TMEM232: variants seen among roughly 807,000 people sequenced by gnomAD.
The protein encoded by TMEM232 is transmembrane protein 232.
A neutral mutation model predicts 78.8 loss-of-function variants in TMEM232; 80 were observed. That is an observed-to-expected ratio of 1.01 (90% CI 0.85 to 1.22). The LOEUF (loss-of-function observed/expected upper bound fraction) is 1.22. Among genes scored for constraint, TMEM232 ranks in the 50% most tolerant of loss-of-function variants. The pLI, the probability that TMEM232 is intolerant of heterozygous loss-of-function variation, is 0.00. For synonymous variants in TMEM232, 297 were observed against 254.3 expected, an observed-to-expected ratio of 1.17 and a Z score of -1.60; for missense variants, 881 against 742.2, an observed-to-expected ratio of 1.19 and a Z score of -2.17.
chr5:110,418,682 C>A (rs2112597147), downstream of TMEM232, among the ~76,000 whole-genome samples: 1 of 152,080 alleles, frequency 6.6e-6, no homozygotes, highest in South Asian at 2.1e-4. Context: ...TTAAGAAAAT[C>A]GTGGAAGTAA....
At chr5:110,409,277 T>C (rs1481944508) in intron 2 of TMEM232, among the ~76,000 whole-genome samples, 1 of 152,188 alleles carries the variant, frequency 6.6e-6, no homozygotes, top group East Asian at 1.9e-4. Context: ...TATAATCTTT[T>C]TGGAGACATT....
At chr5:110,553,644 T>C (rs1463033226) in intron 11 of TMEM232, among the ~76,000 whole-genome samples, 1 of 152,206 alleles carries the variant, frequency 6.6e-6, no homozygotes, top group Non-Finnish European at 1.5e-5. Flanking sequence ...TGGGGTTTTC[T>C]AGATATAGAG....
At chr5:110,550,027 T>A (rs574261851) in intron 11 of TMEM232, among the ~76,000 whole-genome samples, 2 of 152,308 alleles carry the variant, frequency 1.3e-5, no homozygotes, top group East Asian at 3.9e-4. Flanking sequence ...AGAAATATTA[T>A]GGAACAATCA....
chr5:110,514,456 A>G (rs1315776821), intron 12 of TMEM232, among the ~76,000 whole-genome samples: 1 of 152,136 alleles, frequency 6.6e-6, no homozygotes, highest in Admixed American at 6.5e-5. Context: ...TTATGGAACA[A>G]AAGGATAAGG....
In TMEM232 at chr5:110,441,717, A is replaced by G. The variant is rs1408367394; in HGVS notation, c.1704-16801T>C. On this transcript the variant is annotated intron_variant, in intron 12 of 13. Transcript: ENST00000455884. ...GCCTTACTGGAGAAGCCTACAAGCA[A>G]TGGAATGAGGATGGACTTTGGCTAA... 6.6e-5 allele frequency among the ~76,000 whole-genome samples: 10 copies of G among 152,282 alleles called. No individual in the cohort carries two copies. The South Asian group carries it at 1.4e-3, about 22-fold the overall frequency.
intron 2 of TMEM232, among the ~76,000 whole-genome samples, chr5:110,661,887 T>A (rs1789853947): frequency 6.6e-6 from 1 of 152,222 alleles, no homozygotes; most frequent in African/African-American, 2.4e-5. Context: ...TACATTTATC[T>A]GATGATTAGT....
chr5:110,616,552 A>G (rs1354406798), intron 8 of TMEM232, among the ~76,000 whole-genome samples: 2 of 152,058 alleles, frequency 1.3e-5, no homozygotes, highest in Non-Finnish European at 1.5e-5. Context: ...AAAACCATAC[A>G]TTTGGTAAAG....
At chr5:110,526,393 C>CA (rs985392861) in intron 12 of TMEM232, among the ~76,000 whole-genome samples, 6 of 150,278 alleles carry the variant, frequency 4.0e-5, no homozygotes, top group East Asian at 3.9e-4. Flanking sequence ...AAAAAATGGG[C>CA]AAAAAAAATA....
chr5:110,561,003 G>A (rs993220244), intron 11 of TMEM232, among the ~76,000 whole-genome samples: 1 of 152,002 alleles, frequency 6.6e-6, no homozygotes, highest in African/African-American at 2.4e-5. Context: ...AGAATAAAAC[G>A]TAAATGAAGA....
intron 11 of TMEM232, among the ~76,000 whole-genome samples, chr5:110,551,739 C>T (rs1240400479): frequency 6.6e-6 from 1 of 152,142 alleles, no homozygotes; most frequent in Non-Finnish European, 1.5e-5. Context: ...ATAGAGAAAT[C>T]CTAAAACCAG....
chr5:110,450,524 C>T (rs751158826), intron 12 of TMEM232, among the ~76,000 whole-genome samples: 8 of 151,972 alleles, frequency 5.3e-5, no homozygotes, highest in African/African-American at 1.2e-4. Flanking sequence ...AAAATAGAGC[C>T]CCTGGATTCA....
chr5:110,717,766 C>T (rs1465667192), intron 1 of TMEM232, among the ~76,000 whole-genome samples: 2 of 152,042 alleles, frequency 1.3e-5, no homozygotes, highest in Non-Finnish European at 2.9e-5. Flanking sequence ...ATAAGGGGCT[C>T]TCCCCCTTTC....
chr5:110,448,225 G>A (rs1759878132), intron 12 of TMEM232, among the ~76,000 whole-genome samples: 1 of 151,944 alleles, frequency 6.6e-6, no homozygotes, highest in South Asian at 2.1e-4. Context: ...TTGCTCCCAA[G>A]AAATTTTAGA....
At chr5:110,698,299 G>C (rs1561534677) in intron 1 of TMEM232, among the ~76,000 whole-genome samples, 1 of 152,028 alleles carries the variant, frequency 6.6e-6, no homozygotes, top group East Asian at 1.9e-4. Context: ...GGTGGGTGGA[G>C]GGGGAGGGAT....
rs1759104929 is a variant in TMEM232 at position 110,442,006 on chromosome 5, C to CG, written c.1704-17091_1704-17090insC. On this transcript the variant is annotated intron_variant, in intron 12 of 13. Transcript: ENST00000455884. ...TCTGTTGCCAGAGGTATTGGAGCTC[C>CG]ATGTATGTGGCTTCTTCTCTCCTGC... Among the ~76,000 whole-genome samples, 7 of 1,546 alleles carry CG rather than the reference C, an allele frequency of 4.5e-3. No homozygotes were observed. In the Admixed American group the frequency reaches 0.065, roughly 14 times the overall value. The allele number at this position is 1,546 out of a possible 152,430, so 1.0% of individuals were successfully genotyped here.
At chr5:110,519,565 G>C (rs1242274380) in intron 12 of TMEM232, among the ~76,000 whole-genome samples, 4 of 151,920 alleles carry the variant, frequency 2.6e-5, no homozygotes, top group African/African-American at 9.7e-5. Context: ...CAGTATGGAG[G>C]TTCCTCAAAA....
intron 2 of TMEM232, among the ~76,000 whole-genome samples, chr5:110,407,790 G>A (rs891418346): frequency 1.3e-5 from 2 of 151,984 alleles, no homozygotes; most frequent in Non-Finnish European, 2.9e-5. Context: ...AAACAAGCCT[G>A]TACAAATTTT....
At chr5:110,462,734 C>G (rs1761670183) in intron 12 of TMEM232, among the ~76,000 whole-genome samples, 1 of 152,120 alleles carries the variant, frequency 6.6e-6, no homozygotes, top group Non-Finnish European at 1.5e-5. Context: ...AATAAACTCC[C>G]CTTTATATAT....
chr5:110,456,851 T>C (rs1760964954), intron 12 of TMEM232, among the ~76,000 whole-genome samples: 1 of 152,108 alleles, frequency 6.6e-6, no homozygotes, highest in African/African-American at 2.4e-5. Context: ...CTTTGACACA[T>C]ACCTTCCATG....
Sources: allele counts gnomAD v4.1 joint callset (sites outside exome capture counted in the v4.1 genomes callset), GRCh38; gene constraint gnomAD v4.1.1; transcripts MANE v1.5; gene names NCBI Gene and HGNC (gene_info 2026-07-23, HGNC 2026-07-21).